SLC28A3: variants seen among roughly 807,000 people sequenced by gnomAD.
The protein encoded by SLC28A3 is solute carrier family 28 member 3.
A neutral mutation model predicts 84.2 loss-of-function variants in SLC28A3; 68 were observed. The observed-to-expected ratio is 0.81, with a 90% CI of 0.66 to 0.99. SLC28A3 has a LOEUF of 0.99. Among genes scored for constraint, SLC28A3 ranks in the 50% least tolerant of loss-of-function variants. SLC28A3 has a pLI of 0.00. For missense variants in SLC28A3, 712 were observed against 841.5 expected, an observed-to-expected ratio of 0.85 and a Z score of 1.90; for synonymous variants, 267 against 303.6, an observed-to-expected ratio of 0.88 and a Z score of 1.25.
At chr9:84,357,545 C>T in the SLC28A3 span, among the ~76,000 whole-genome samples, 3 of 152,022 alleles carry the variant, frequency 2.0e-5, no homozygotes, top group East Asian at 1.9e-4. Flanking sequence ...ACAAAGGAGC[C>T]GACCAAGTCT....
intron 5 of SLC28A3, 28 bp from the exon 6 acceptor site, chr9:84,299,753 C>A: frequency 6.4e-7 from 1 of 1,555,354 alleles, no homozygotes; most frequent in South Asian, 1.2e-5. Flanking sequence ...GAGGCATTGG[C>A]ATCATTTGTT....
chr9:84,278,257 T>C lies in SLC28A3; in HGVS notation c.2037A>G (p.Pro679=). The C allele has an allele frequency of 6.2e-7, 1 of 1,614,132 alleles. No homozygotes were observed. The highest frequency in any genetic ancestry group is 8.5e-7 in the Non-Finnish European group (1 of 1,180,006). ...AGATCCCATTGCAGTTAAAGGTCGA[T>C]GGATTCAACAATGTGCAGCAGCCCT... ...SLKGCCTLLN[P]STFNCNGISN... The change falls in exon 18 of 18, where the codon CCA becomes CCG. Residue 679 remains proline (P), a synonymous_variant. Coordinates refer to ENST00000376238, the MANE Select transcript of SLC28A3 (RefSeq NM_001199633.2).
chr9:84,337,319 C>T (rs1827010092), intron 1 of SLC28A3, among the ~76,000 whole-genome samples: 1 of 151,964 alleles, frequency 6.6e-6, no homozygotes, highest in South Asian at 2.1e-4. Context: ...GATGATTCTA[C>T]TGAATAAATA....
chr9:84,340,720 C>A lies in SLC28A3; in HGVS notation c.-87G>T. 6 of 1,495,260 alleles carry A rather than the reference C, an allele frequency of 4.0e-6. No homozygotes were observed. Among genetic ancestry groups the A allele is most frequent in the African/African-American group, 1.4e-5 (1 of 71,920 alleles). 92.6% of individuals were successfully genotyped at this position (1,495,260 alleles called of 1,614,324 possible). A position where few individuals can be genotyped will look rare whatever the true frequency, so the allele number is the denominator to read the frequency against. On this transcript the variant is annotated 5_prime_UTR_variant, in exon 1 of 18. It adds an upstream start codon to the 5' untranslated region. Transcript: ENST00000376238. ...GTCTCTGCTGATGTCAGAAAGCCAC[C>A]TGCTGTTACAGGGACCTGGGCACAG...
chr9:84,347,204 TAAAA>T, the SLC28A3 span, among the ~76,000 whole-genome samples: 36 of 62,390 alleles, frequency 5.8e-4, no homozygotes, highest in Non-Finnish European at 1.0e-3. Flanking sequence ...AGACTCTGTC[TAAAA>T]AAAAAAAAAA....
At chr9:84,313,558 G>T in intron 1 of SLC28A3, 104 bp from the exon 2 acceptor site, 1 of 859,188 alleles carries the variant, frequency 1.2e-6, no homozygotes, top group Non-Finnish European at 1.8e-6. Context: ...GACAAACAAA[G>T]ATTAGGTGTT....
At chr9:84,299,217 G>A (rs781109294) in intron 6 of SLC28A3, among the ~76,000 whole-genome samples, 31 of 152,170 alleles carry the variant, frequency 2.0e-4, no homozygotes, top group Admixed American at 2.6e-4. Flanking sequence ...ATGGGACTTC[G>A]ATGAACTGCA....
chr9:84,337,449 C>T (rs1013980836), intron 1 of SLC28A3, among the ~76,000 whole-genome samples: 19 of 145,876 alleles, frequency 1.3e-4, no homozygotes, highest in African/African-American at 3.3e-4. Context: ...TGTGCGCGCG[C>T]GTGTGTGTAT....
At chr9:84,291,047 T>TTAAG (rs1245855406) in intron 10 of SLC28A3, among the ~76,000 whole-genome samples, 2 of 152,212 alleles carry the variant, frequency 1.3e-5, no homozygotes, top group African/African-American at 4.8e-5. Flanking sequence ...TTTTAGCATA[T>TTAAG]TAAGTATCAA....
chr9:84,292,377 C>T (rs1825258048), intron 10 of SLC28A3, among the ~76,000 whole-genome samples: 1 of 152,192 alleles, frequency 6.6e-6, no homozygotes, highest in Non-Finnish European at 1.5e-5. Flanking sequence ...CTTCCATCCT[C>T]TTCATAAACA....
At chr9:84,302,886 G>T (rs1385386148) in intron 4 of SLC28A3, among the ~76,000 whole-genome samples, 1 of 152,164 alleles carries the variant, frequency 6.6e-6, no homozygotes, top group Admixed American at 6.5e-5. Context: ...AGGAAAAGAG[G>T]TAGGGGCAAT....
chr9:84,331,142 G>T (rs547861577), intron 1 of SLC28A3, among the ~76,000 whole-genome samples: 1 of 152,150 alleles, frequency 6.6e-6, no homozygotes, highest in Non-Finnish European at 1.5e-5. Context: ...CTAAAAATAA[G>T]TCTAGGTGTG....
At chr9:84,320,117 TTGACTCAC>T (rs1455307057) in intron 1 of SLC28A3, among the ~76,000 whole-genome samples, 1 of 145,916 alleles carries the variant, frequency 6.9e-6, no homozygotes, top group African/African-American at 2.6e-5. Context: ...TGGCATGATC[TTGACTCAC>T]TGCAACCTCA....
At chr9:84,345,535 G>A (rs1384397152), upstream of SLC28A3, among the ~76,000 whole-genome samples, 3 of 152,160 alleles carry the variant, frequency 2.0e-5, no homozygotes, top group East Asian at 1.9e-4. Context: ...GAAATGTAAC[G>A]ATGTGTTTTC....
the SLC28A3 span, among the ~76,000 whole-genome samples, chr9:84,361,709 C>T: frequency 7.2e-5 from 11 of 151,770 alleles, no homozygotes; most frequent in Admixed American, 2.0e-4. Context: ...TAGATTCCCC[C>T]CAAAAGAGGC....
At chr9:84,335,063 C>T (rs1278597915) in intron 1 of SLC28A3, among the ~76,000 whole-genome samples, 4 of 152,122 alleles carry the variant, frequency 2.6e-5, no homozygotes, top group Non-Finnish European at 5.9e-5. Flanking sequence ...TATCCGCGCT[C>T]ATATCTATGC....
intron 1 of SLC28A3, among the ~76,000 whole-genome samples, chr9:84,337,488 G>A (rs540059411): frequency 3.3e-5 from 5 of 151,910 alleles, no homozygotes; most frequent in South Asian, 4.1e-4. Context: ...GTTTGCACAC[G>A]TGTGTGTGTG....
intron 4 of SLC28A3, 76 bp downstream of exon 4, chr9:84,305,178 A>T: frequency 8.4e-7 from 1 of 1,185,762 alleles, no homozygotes. Flanking sequence ...TTTCCACATA[A>T]AGTTAATATT....
chr9:84,299,276 G>T (rs1825533535), intron 6 of SLC28A3, among the ~76,000 whole-genome samples: 1 of 152,184 alleles, frequency 6.6e-6, no homozygotes, highest in Non-Finnish European at 1.5e-5. Flanking sequence ...GGGAAATCTG[G>T]ATCAAAATGG....
Sources: allele counts gnomAD v4.1 joint callset (sites outside exome capture counted in the v4.1 genomes callset), GRCh38; gene constraint gnomAD v4.1.1; transcripts MANE v1.5; gene names NCBI Gene and HGNC (gene_info 2026-07-23, HGNC 2026-07-21).